ZHX2: variants seen among roughly 807,000 people sequenced by gnomAD.
ZHX2 encodes zinc fingers and homeoboxes 2, also known as zinc fingers and homeoboxes protein 2.
A neutral mutation model predicts 21.9 loss-of-function variants in ZHX2; 6 were observed. That is an observed-to-expected ratio of 0.27 (90% CI 0.15 to 0.54). The LOEUF (loss-of-function observed/expected upper bound fraction) is 0.54. ZHX2 is among the 20% of genes least tolerant of loss of function. The pLI, the probability that ZHX2 is intolerant of heterozygous loss-of-function variation, is 0.95. For synonymous variants in ZHX2, 434 were observed against 437.1 expected (o/e 0.99, Z 0.09); for missense variants, 908 against 1,090.7 (o/e 0.83, Z 2.36).
intron 2 of ZHX2, among the ~76,000 whole-genome samples, chr8:122,940,362 T>G (rs1455506992): frequency 6.6e-6 from 1 of 152,182 alleles, no homozygotes; most frequent in African/African-American, 2.4e-5. Context: ...GGGCTCCCGG[T>G]TCACATGGGT....
chr8:122,864,641 C>G (rs1246151797), intron 2 of ZHX2, among the ~76,000 whole-genome samples: 1 of 152,112 alleles, frequency 6.6e-6, no homozygotes, highest in Admixed American at 6.5e-5. Context: ...CACCCACCCC[C>G]CCACTCCCCA....
intron 1 of ZHX2, among the ~76,000 whole-genome samples, chr8:122,847,751 T>TGA (rs1406953503): frequency 1.3e-5 from 2 of 152,208 alleles, no homozygotes; most frequent in Non-Finnish European, 2.9e-5. Context: ...CTGGAACGCC[T>TGA]GAGAGTACCT....
upstream of ZHX2, chr8:122,781,512 C>CA (rs1277263782): frequency 2.0e-5 from 3 of 152,550 alleles, no homozygotes; most frequent in Non-Finnish European, 4.4e-5. The surrounding 1 kb of genome is among the most constrained non-coding windows in gnomAD (Gnocchi z 4.6). Context: ...GCCTCCCCCC[C>CA]AGCTCCTGCC....
At chr8:122,873,238 A>C (rs1453329712) in intron 2 of ZHX2, among the ~76,000 whole-genome samples, 1 of 152,214 alleles carries the variant, frequency 6.6e-6, no homozygotes, top group African/African-American at 2.4e-5. Context: ...CTCAGTGGGG[A>C]GCACTGAACC....
At chr8:122,962,196 T>G (rs1813473043) in intron 3 of ZHX2, among the ~76,000 whole-genome samples, 1 of 152,162 alleles carries the variant, frequency 6.6e-6, no homozygotes, top group Admixed American at 6.5e-5. Flanking sequence ...TCTTTAGGTG[T>G]GATTTCTGAG....
chr8:122,912,995 A>T (rs1820517422), intron 2 of ZHX2, among the ~76,000 whole-genome samples: 1 of 152,182 alleles, frequency 6.6e-6, no homozygotes, highest in Admixed American at 6.5e-5. Flanking sequence ...TATCACCCCA[A>T]AAAGAAACCC....
intron 3 of ZHX2, among the ~76,000 whole-genome samples, chr8:122,955,258 G>A (rs1333231995): frequency 6.6e-6 from 1 of 151,980 alleles, no homozygotes; most frequent in Non-Finnish European, 1.5e-5. Context: ...CTGGTGGGAG[G>A]GAAAGCAAAT....
rs564517311 is a variant in ZHX2, at chr8:122,905,387, T to A, written c.-220+41848T>A. ...GAAGGAAATGGCACAACATTTTTTT[T>A]AAAAACTGTCAACCCAGAATCCTAT... On this transcript the variant is annotated intron_variant, in intron 2 of 3. Transcript: ENST00000314393. 4.1e-4 allele frequency among the ~76,000 whole-genome samples: 62 copies of A among 152,282 alleles called. No homozygotes were observed. The South Asian group carries it at 6.8e-3, about 17-fold the overall frequency.
chr8:122,929,173 G>C (rs142432167), intron 2 of ZHX2, among the ~76,000 whole-genome samples: 34 of 152,216 alleles, frequency 2.2e-4, no homozygotes, highest in African/African-American at 7.9e-4. Context: ...AACACCACCC[G>C]TGTAACACCA....
In ZHX2 at chr8:122,827,090, G is replaced by A. The variant is rs75802331; in HGVS notation, c.-282-36387G>A. Among the ~76,000 whole-genome samples the A allele has an allele frequency of 9.1e-4, 139 of 152,144 alleles. 1 individual carries two copies. In the East Asian group the frequency reaches 0.019, roughly 20 times the overall value. The stretch of plus-strand genomic sequence containing the variant: ...GGCTGGAGGGCAGTGGCTCTATCTC[G>A]GCTCACTGCAACCTTCGAATCCAGG... On this transcript the variant is annotated intron_variant, in intron 1 of 3. Coordinates refer to ENST00000314393, the MANE Select transcript of ZHX2 (RefSeq NM_014943.5).
intron 1 of ZHX2, among the ~76,000 whole-genome samples, chr8:122,810,951 C>T (rs1262408637): frequency 1.3e-5 from 2 of 152,048 alleles, no homozygotes; most frequent in Non-Finnish European, 2.9e-5. Flanking sequence ...CCCAGGGTAC[C>T]GAAAGTTTTA....
intron 3 of ZHX2, among the ~76,000 whole-genome samples, chr8:122,962,797 G>T (rs1260010679): frequency 1.3e-5 from 2 of 151,998 alleles, no homozygotes; most frequent in Non-Finnish European, 2.9e-5. Context: ...ATTATTTTTT[G>T]GTTATTTAAT....
intron 2 of ZHX2, among the ~76,000 whole-genome samples, chr8:122,926,452 G>T (rs888134575): frequency 2.6e-5 from 4 of 152,170 alleles, no homozygotes; most frequent in African/African-American, 9.7e-5. Context: ...CTGTAACTGA[G>T]CCTTTAAAAG....
chr8:122,875,335 CA>C (rs1408965413), intron 2 of ZHX2, among the ~76,000 whole-genome samples: 3 of 151,648 alleles, frequency 2.0e-5, no homozygotes, highest in Admixed American at 6.6e-5. Flanking sequence ...ACAAACAAAA[CA>C]AAGAAGAACA....
In ZHX2 at chr8:122,903,944, A is replaced by G. The variant is rs1207019102; in HGVS notation, c.-220+40405A>G. Among the ~76,000 whole-genome samples the G allele has an allele frequency of 2.0e-5, 3 of 152,294 alleles. No homozygotes were observed. The East Asian group carries it at 5.8e-4, about 29-fold the overall frequency. ...TCTATTTCTCCCACTGAGTACAACTAAAAACCTTGGGCATTATTTATAAAA... is the reference window on the plus strand; with the variant it reads ...TCTATTTCTCCCACTGAGTACAACTGAAAACCTTGGGCATTATTTATAAAA... On this transcript the variant is annotated intron_variant, in intron 2 of 3. Coordinates refer to ENST00000314393, the MANE Select transcript of ZHX2 (RefSeq NM_014943.5).
At chr8:122,910,197 T>C (rs959457053) in intron 2 of ZHX2, among the ~76,000 whole-genome samples, 1 of 151,934 alleles carries the variant, frequency 6.6e-6, no homozygotes, top group Admixed American at 6.6e-5. Context: ...ATAATGACTT[T>C]CTTAGATTCA....
Position 122,953,338 on chromosome 8 carries a change from G to A in ZHX2, c.1828G>A (p.Ala610Thr), listed in dbSNP as rs985419988. The A allele has an allele frequency of 6.2e-7, 1 of 1,614,076 alleles. No homozygotes were observed. The highest frequency in any genetic ancestry group is 8.5e-7 in the Non-Finnish European group (1 of 1,180,032). The change falls in exon 3 of 4, where the codon GCT (alanine) becomes ACT (threonine). Residue 610 changes from alanine to threonine, a missense_variant. By Grantham distance (58) the Ala-to-Thr change is moderately conservative. Around this residue, in one of 4 missense-constraint regions of ZHX2, gnomAD observed 431 missense variants for 428.6 expected, o/e 1.01. Transcript: ENST00000314393. The surrounding 1 kb of genome is among the most constrained non-coding windows in gnomAD (Gnocchi z 4.6). ...KGQDVGAPNG[A>T]LSRLDQLSGA... ...CCAAGATGTGGGAGCCCCCAATGGT[G>A]CTCTGTCTCGACTCGACCAGCTCTC...
chr8:122,836,864 T>TA (rs1402527140), intron 1 of ZHX2, among the ~76,000 whole-genome samples: 2 of 152,194 alleles, frequency 1.3e-5, no homozygotes, highest in Non-Finnish European at 2.9e-5. Context: ...GGGAGAATCT[T>TA]ACACTACTGG....
chr8:122,877,204 C>T (rs1819593030), intron 2 of ZHX2, among the ~76,000 whole-genome samples: 1 of 152,210 alleles, frequency 6.6e-6, no homozygotes, highest in South Asian at 2.1e-4. Flanking sequence ...GGGATAATAA[C>T]ACTATCTACC....
Sources: gnomAD v4.1 joint callset for allele counts (sites outside exome capture counted in the v4.1 genomes callset) on GRCh38, gnomAD v4.1.1 for gene constraint, gnomAD v4.1.1 regional missense constraint, Gnocchi (gnomAD v3.1) non-coding constraint, MANE v1.5 for transcripts, NCBI Gene and HGNC (gene_info 2026-07-23, HGNC 2026-07-21) for gene names.